The following ADTRP variants were observed in gnomAD, a reference collection of about 807,000 sequenced individuals.
The protein encoded by ADTRP is androgen dependent TFPI regulating protein.
Under a neutral mutation model 27.0 loss-of-function variants are expected in ADTRP, and 20 were observed. The ratio of observed to expected loss-of-function variants is 0.74; its 90% CI spans 0.52 to 1.08. ADTRP has a LOEUF of 1.08. Ranked by LOEUF, ADTRP falls within the 50% of genes least tolerant of loss-of-function variation. The pLI, the probability that ADTRP is intolerant of heterozygous loss-of-function variation, is 0.00. For synonymous variants in ADTRP, 101 were observed against 105.2 expected (o/e 0.96, Z 0.25); for missense variants, 251 against 275.0 (o/e 0.91, Z 0.62).
chr6:11,740,840 G>A (rs975462111), intron 3 of ADTRP, among the ~76,000 whole-genome samples: 2 of 152,092 alleles, frequency 1.3e-5, no homozygotes, highest in Non-Finnish European at 2.9e-5. Context: ...ATACAGTTTT[G>A]CTTTAAGTAA....
At chr6:11,754,074 T>C (rs1763136296) in intron 3 of ADTRP, among the ~76,000 whole-genome samples, 2 of 152,224 alleles carry the variant, frequency 1.3e-5, no homozygotes, top group South Asian at 4.1e-4. Context: ...GCACTCAACG[T>C]AGAATCCCTA....
At chr6:11,728,180 G>C (rs1383724147) in intron 4 of ADTRP, 4 of 152,368 alleles carry the variant, frequency 2.6e-5, no homozygotes, top group African/African-American at 7.2e-5. Flanking sequence ...TTGGGTTTCT[G>C]TCATTGTCTA....
At chr6:11,745,930 A>G (rs1004980846) in intron 3 of ADTRP, among the ~76,000 whole-genome samples, 1 of 152,078 alleles carries the variant, frequency 6.6e-6, no homozygotes, top group African/African-American at 2.4e-5. Context: ...AGCTGGGATT[A>G]CAGGCGTGTG....
At chr6:11,769,998 G>A (rs532158096) in intron 1 of ADTRP, 1 of 1,550,366 alleles carries the variant, frequency 6.5e-7, no homozygotes, top group South Asian at 1.2e-5. Flanking sequence ...AGACTCCCCC[G>A]CCCACCACCA....
chr6:11,733,815 G>C (rs937576078), intron 4 of ADTRP, among the ~76,000 whole-genome samples: 1 of 152,108 alleles, frequency 6.6e-6, no homozygotes. Context: ...CACCCGCCCA[G>C]GTACTGACAA....
chr6:11,739,686 AC>A (rs1248386224), intron 3 of ADTRP, among the ~76,000 whole-genome samples: 1 of 152,182 alleles, frequency 6.6e-6, no homozygotes, highest in Non-Finnish European at 1.5e-5. Flanking sequence ...GTTTGTACTC[AC>A]CCCCTACAGG....
chr6:11,735,003 C>T (rs566523809), intron 4 of ADTRP, among the ~76,000 whole-genome samples: 11 of 146,170 alleles, frequency 7.5e-5, no homozygotes, highest in Admixed American at 2.1e-4. Context: ...TATTGGGCAG[C>T]GTTTCTGAAA....
At chr6:11,715,302 C>T (rs1229844477) in intron 5 of ADTRP, among the ~76,000 whole-genome samples, 2 of 152,168 alleles carry the variant, frequency 1.3e-5, no homozygotes, top group Non-Finnish European at 2.9e-5. Flanking sequence ...CTGCCACCTT[C>T]ATCAATTCTA....
intron 4 of ADTRP, among the ~76,000 whole-genome samples, chr6:11,725,467 A>T (rs1762160127): frequency 6.6e-6 from 1 of 152,228 alleles, no homozygotes; most frequent in African/African-American, 2.4e-5. Context: ...AATCAAAATG[A>T]CAGTGAGATA....
chr6:11,715,075 A>C (rs1047731941), intron 5 of ADTRP, among the ~76,000 whole-genome samples: 1 of 152,204 alleles, frequency 6.6e-6, no homozygotes, highest in African/African-American at 2.4e-5. Context: ...TTCAGCCAAC[A>C]AGTTGGTACT....
At chr6:11,759,233 GA>G (rs1763325306) in intron 3 of ADTRP, among the ~76,000 whole-genome samples, 1 of 152,214 alleles carries the variant, frequency 6.6e-6, no homozygotes, top group African/African-American at 2.4e-5. Context: ...AGGGGAAGTG[GA>G]AGGGAAGAGG....
chr6:11,754,958 T>C, intron 3 of ADTRP: 2 of 908,792 alleles, frequency 2.2e-6, no homozygotes, highest in Non-Finnish European at 2.6e-6. Flanking sequence ...AGTTTGGCTC[T>C]TTCCTTCCAC....
chr6:11,717,390 C>T (rs1761867263), intron 5 of ADTRP: 2 of 1,304,272 alleles, frequency 1.5e-6, no homozygotes, highest in Non-Finnish European at 2.0e-6. Flanking sequence ...TTCTAGCCTC[C>T]ATCTTTGCAA....
chr6:11,749,770 A>G (rs1178768438), intron 3 of ADTRP, among the ~76,000 whole-genome samples: 1 of 152,212 alleles, frequency 6.6e-6, no homozygotes, highest in Non-Finnish European at 1.5e-5. Flanking sequence ...AATGATCAGA[A>G]TAAGAATAGA....
At chr6:11,770,351 C>G (rs1581371047) in intron 1 of ADTRP, among the ~76,000 whole-genome samples, 1 of 152,086 alleles carries the variant, frequency 6.6e-6, no homozygotes, top group Admixed American at 6.6e-5. Flanking sequence ...GAGGAACTTC[C>G]GTTTGGAAAT....
At chr6:11,717,206 T>C in intron 5 of ADTRP, 1 of 1,157,190 alleles carries the variant, frequency 8.6e-7, no homozygotes, top group Non-Finnish European at 1.1e-6. Context: ...AGTATCCTAG[T>C]TGGCAGATAG....
intron 4 of ADTRP, among the ~76,000 whole-genome samples, chr6:11,732,127 C>T (rs1458199126): frequency 6.6e-6 from 1 of 152,120 alleles, no homozygotes; most frequent in Non-Finnish European, 1.5e-5. Flanking sequence ...TTTATTTTCC[C>T]ACTTAGGGGA....
chr6:11,744,880 C>T (rs567161438), intron 3 of ADTRP, among the ~76,000 whole-genome samples: 22 of 152,306 alleles, frequency 1.4e-4, no homozygotes, highest in Non-Finnish European at 2.6e-4. Flanking sequence ...TATCTCATCA[C>T]GATGTCAAGT....
intron 1 of ADTRP, among the ~76,000 whole-genome samples, chr6:11,770,581 T>C (rs742224): frequency 0.53 from 81,164 of 151,760 alleles, 23,132 homozygotes; most frequent in East Asian, 0.77. Flanking sequence ...TAGGAAATCA[T>C]GGGCCCTGGG....
Sources: allele counts gnomAD v4.1 joint callset (sites outside exome capture counted in the v4.1 genomes callset), GRCh38; gene constraint gnomAD v4.1.1; transcripts MANE v1.5; gene names NCBI Gene and HGNC (gene_info 2026-07-23, HGNC 2026-07-21).